Variants in DMD observed in about 807,000 individuals in gnomAD.
DMD encodes mutant dystrophin.
Under a neutral mutation model 330.1 loss-of-function variants are expected in DMD, and 63 were observed. That is an observed-to-expected ratio of 0.19 (90% CI 0.16 to 0.24). The LOEUF (loss-of-function observed/expected upper bound fraction) is 0.24, where lower values mean the gene tolerates loss of function less well. DMD is among the 10% of genes least tolerant of loss of function. DMD has a pLI of 1.00. For missense variants in DMD, 3,344 were observed against 2,684.1 expected, an observed-to-expected ratio of 1.25 and a Z score of -5.43; for synonymous variants, 1,223 against 959.8, an observed-to-expected ratio of 1.27 and a Z score of -5.07.
intron 1 of DMD, among the ~76,000 whole-genome samples, chrX:33,112,327 G>A (rs1490149781): frequency 1.8e-5 from 2 of 111,095 alleles, no homozygotes; most frequent in African/African-American, 6.5e-5. Context: ...CACAGTTTCA[G>A]GCATCCACCA....
At chrX:32,244,154 G>GT (rs1160867782) in intron 43 of DMD, among the ~76,000 whole-genome samples, 1 of 88,994 alleles carries the variant, frequency 1.1e-5, no homozygotes, top group African/African-American at 4.3e-5. Context: ...CCCTTCCTGT[G>GT]TCCATGTGAT....
intron 37 of DMD, among the ~76,000 whole-genome samples, chrX:32,356,466 G>A (rs922549104): frequency 1.9e-5 from 2 of 107,059 alleles, no homozygotes; most frequent in African/African-American, 3.4e-5. Flanking sequence ...TTTGATGCCC[G>A]ATTGTCCAAA....
At chrX:32,736,911 T>C (rs1276547252) in intron 7 of DMD, among the ~76,000 whole-genome samples, 3 of 110,327 alleles carry the variant, frequency 2.7e-5, no homozygotes, top group Non-Finnish European at 3.8e-5. Flanking sequence ...AAGCTTAAAG[T>C]ATAATAATAA....
At chrX:33,145,609 A>G (rs907961505) in intron 1 of DMD, among the ~76,000 whole-genome samples, 2 of 100,418 alleles carry the variant, frequency 2.0e-5, no homozygotes, top group African/African-American at 7.0e-5. Flanking sequence ...TTTATCAGAT[A>G]TGGTTATCAT....
chrX:32,167,133 A>G (rs2096871214), intron 44 of DMD, among the ~76,000 whole-genome samples: 1 of 111,863 alleles, frequency 8.9e-6, no homozygotes, highest in Non-Finnish European at 1.9e-5. Context: ...CCCTGGAATC[A>G]CCAAACCTGT....
At chrX:32,530,489 T>C (rs2047377628) in intron 17 of DMD, among the ~76,000 whole-genome samples, 1 of 112,592 alleles carries the variant, frequency 8.9e-6, no homozygotes, top group South Asian at 3.6e-4. Context: ...TCAAAATTCA[T>C]TGGTAATATT....
intron 43 of DMD, among the ~76,000 whole-genome samples, chrX:32,268,571 TACC>T (rs2097353284): frequency 9.0e-6 from 1 of 111,484 alleles, no homozygotes; most frequent in South Asian, 3.8e-4. Flanking sequence ...TCCAACATCC[TACC>T]ACAGCTTCCT....
At chrX:31,180,609 G>T in intron 68 of DMD, 128 bp from the exon 69 acceptor site, 2 of 539,007 alleles carry the variant, frequency 3.7e-6, no homozygotes, top group African/African-American at 2.3e-5. Context: ...GTCCCACAAG[G>T]TAAGTGATTA....
intron 33 of DMD, among the ~76,000 whole-genome samples, chrX:32,383,839 A>C (rs762984858): frequency 1.8e-5 from 2 of 109,616 alleles, no homozygotes; most frequent in East Asian, 5.8e-4. Context: ...TGTCACTTTC[A>C]TTGCTTTAAA....
intron 62 of DMD, among the ~76,000 whole-genome samples, chrX:31,307,486 G>T (rs778565812): frequency 5.3e-4 from 59 of 111,557 alleles, no homozygotes; most frequent in Admixed American, 2.9e-4. Flanking sequence ...TCAGTAAAAA[G>T]AAATGGCTTG....
At chrX:32,828,352 C>T (rs1348573219) in intron 4 of DMD, among the ~76,000 whole-genome samples, 3 of 110,796 alleles carry the variant, frequency 2.7e-5, no homozygotes, top group Non-Finnish European at 3.8e-5. Flanking sequence ...GCAGTCACCA[C>T]ACCTGGCCAA....
intron 21 of DMD, among the ~76,000 whole-genome samples, chrX:32,483,266 AT>A (rs781242057): frequency 1.9e-5 from 2 of 103,211 alleles, no homozygotes; most frequent in Non-Finnish European, 4.0e-5. Context: ...AGTGGGGACA[AT>A]TTGTTTACAT....
intron 74 of DMD, among the ~76,000 whole-genome samples, chrX:31,152,550 T>G (rs2037569437): frequency 9.1e-6 from 1 of 110,021 alleles, no homozygotes; most frequent in African/African-American, 3.3e-5. Context: ...TTTTTTTTTT[T>G]TGAGATAGGG....
At chrX:32,492,058 G>A (rs752740659) in intron 19 of DMD, among the ~76,000 whole-genome samples, 86 of 111,835 alleles carry the variant, frequency 7.7e-4, no homozygotes, top group Non-Finnish European at 1.1e-3. Context: ...ACAGATTGTC[G>A]GCTGGGCACG....
intron 29 of DMD, 106 bp from the exon 30 acceptor site, chrX:32,412,019 C>A: frequency 1.7e-6 from 2 of 1,194,555 alleles, no homozygotes; most frequent in Non-Finnish European, 2.3e-6. Flanking sequence ...CCACAATCAC[C>A]TTTTTGTAAG....
intron 67 of DMD, among the ~76,000 whole-genome samples, chrX:31,202,248 C>A (rs1320356732): frequency 2.7e-5 from 3 of 111,735 alleles, no homozygotes; most frequent in African/African-American, 9.8e-5. Context: ...GCGTTTATGG[C>A]AAGTTGTTTT....
intron 55 of DMD, among the ~76,000 whole-genome samples, chrX:31,525,916 G>A (rs752333343): frequency 1.8e-5 from 2 of 112,076 alleles, no homozygotes; most frequent in African/African-American, 3.2e-5. Context: ...ACAGATAAAC[G>A]GATTGAAAAG....
chrX:31,126,881 G>C (rs1233704987), intron 77 of DMD, among the ~76,000 whole-genome samples: 1 of 103,528 alleles, frequency 9.7e-6, no homozygotes, highest in Non-Finnish European at 1.9e-5. Context: ...ATACACTTAA[G>C]ATCAGTGTAA....
intron 2 of DMD, among the ~76,000 whole-genome samples, chrX:32,953,147 A>AG (rs2091357457): frequency 5.5e-5 from 6 of 109,027 alleles, no homozygotes; most frequent in African/African-American, 2.0e-4. Flanking sequence ...AAAAAAAAAA[A>AG]AAAGAAGAAG....
Sources: allele counts gnomAD v4.1 joint callset (sites outside exome capture counted in the v4.1 genomes callset), GRCh38; gene constraint gnomAD v4.1.1; transcripts MANE v1.5; gene names NCBI Gene and HGNC (gene_info 2026-07-23, HGNC 2026-07-21).